PDE5A: variants seen among roughly 807,000 people sequenced by gnomAD.
PDE5A encodes the protein phosphodiesterase 5A.
In PDE5A, 67 loss-of-function variants were observed where a neutral mutation model predicts 110.2. That is an observed-to-expected ratio of 0.61 (90% confidence interval 0.50 to 0.75). The LOEUF is 0.75. Ranked by LOEUF, PDE5A falls within the 30% of genes least tolerant of loss-of-function variation. The pLI, the probability that PDE5A is intolerant of heterozygous loss-of-function variation, is 0.00. For missense variants in PDE5A, 862 were observed against 1,045.1 expected, an observed-to-expected ratio of 0.82 and a Z score of 2.42; for synonymous variants, 328 against 351.2, an observed-to-expected ratio of 0.93 and a Z score of 0.74.
intron 14 of PDE5A, among the ~76,000 whole-genome samples, chr4:119,514,998 A>G (rs1725862106): frequency 6.6e-6 from 1 of 152,210 alleles, no homozygotes; most frequent in South Asian, 2.1e-4. Context: ...CTTAACTACC[A>G]TAACCATCAC....
intron 20 of PDE5A, 107 bp downstream of exon 20, chr4:119,501,056 TTTATTTC>T: frequency 1.6e-6 from 1 of 640,454 alleles, no homozygotes; most frequent in East Asian, 2.7e-5. Flanking sequence ...TGCTAATAAT[TTTATTTC>T]TTGATTTAGA....
intron 11 of PDE5A, among the ~76,000 whole-genome samples, chr4:119,530,505 A>G (rs1726491453): frequency 6.6e-6 from 1 of 152,126 alleles, no homozygotes; most frequent in South Asian, 2.1e-4. Flanking sequence ...AGATCTGGAT[A>G]ATGACATGTA....
chr4:119,600,855 C>G (rs1729320064), intron 2 of PDE5A, among the ~76,000 whole-genome samples: 2 of 152,118 alleles, frequency 1.3e-5, no homozygotes, highest in African/African-American at 4.8e-5. Flanking sequence ...TTTACACAGT[C>G]TCAAAGTATC....
intron 1 of PDE5A, among the ~76,000 whole-genome samples, chr4:119,621,744 G>C (rs915269328): frequency 6.6e-5 from 10 of 152,140 alleles, no homozygotes; most frequent in African/African-American, 2.4e-4. Context: ...AATCCCGCAA[G>C]CAATTAAAAT....
chr4:119,542,849 C>T (rs906153508), intron 9 of PDE5A, among the ~76,000 whole-genome samples: 3 of 151,956 alleles, frequency 2.0e-5, no homozygotes, highest in Non-Finnish European at 4.4e-5. Flanking sequence ...ACATTGCTGG[C>T]GTTCAAAAAA....
At chr4:119,605,980 C>A (rs73842675) in intron 2 of PDE5A, among the ~76,000 whole-genome samples, 1 of 152,098 alleles carries the variant, frequency 6.6e-6, no homozygotes, top group Admixed American at 6.6e-5. Context: ...ATATAAAGTG[C>A]CATTCAGTTA....
intron 2 of PDE5A, among the ~76,000 whole-genome samples, chr4:119,602,429 CA>C: frequency 6.6e-6 from 1 of 152,156 alleles, no homozygotes; most frequent in African/African-American, 2.4e-5. Flanking sequence ...ATAAAAATAA[CA>C]GAAAATTTTA....
At chr4:119,528,782 G>A (rs1427975176) in intron 11 of PDE5A, 1 of 152,140 alleles carries the variant, frequency 6.6e-6, no homozygotes, top group African/African-American at 2.4e-5. Context: ...GGAACCAAAT[G>A]CCTTACTGTA....
intron 3 of PDE5A, among the ~76,000 whole-genome samples, chr4:119,588,262 T>C (rs933332449): frequency 2.6e-5 from 4 of 151,228 alleles, no homozygotes. Context: ...GAAGCCTCTG[T>C]CTCCCAGCCA....
In PDE5A at chr4:119,498,602, C is replaced by T. The variant is rs924635672; in HGVS notation, c.2627G>A (p.Ter876=). 1.2e-6 allele frequency: 2 copies of T among 1,613,956 alleles called. No homozygotes were observed. Among genetic ancestry groups the T allele is most frequent in the African/African-American group, 2.7e-5 (2 of 75,040 alleles). Residue 876 remains the stop codon, a stop_retained_variant, in exon 21 of 21, where the codon TGA becomes TAA. Coordinates refer to ENST00000354960, the MANE Select transcript of PDE5A (RefSeq NM_001083.4). ...NGESGQAKRN[*] The stretch of plus-strand genomic sequence containing the variant: ...TCAACTCTGCATGAAATAGGCCACT[C>T]AGTTCCGCTTGGCCTGGCCGCTTTC...
chr4:119,609,070 G>A (rs189767137), intron 1 of PDE5A, among the ~76,000 whole-genome samples: 2 of 152,170 alleles, frequency 1.3e-5, no homozygotes, highest in Admixed American at 1.3e-4. Flanking sequence ...GCTGAGGCAG[G>A]AGAATGGCCT....
intron 1 of PDE5A, among the ~76,000 whole-genome samples, chr4:119,625,536 T>A (rs1375965113): frequency 6.6e-6 from 1 of 152,202 alleles, no homozygotes; most frequent in East Asian, 1.9e-4. Context: ...GAAATTGTTT[T>A]TATCAGCAAG....
chr4:119,498,847 C>G, intron 20 of PDE5A, 109 bp from the exon 21 acceptor site: 1 of 1,161,640 alleles, frequency 8.6e-7, no homozygotes, highest in Non-Finnish European at 1.2e-6. Context: ...TAAGCAGACT[C>G]ACTGTTGAAA....
In PDE5A at chr4:119,501,169, C is replaced by T; in HGVS notation, c.2490+1G>A. The T allele has an allele frequency of 1.3e-6, 2 of 1,586,768 alleles. No homozygotes were observed. The highest frequency in any genetic ancestry group is 1.7e-6 in the Non-Finnish European group (2 of 1,155,776). ...AAGTCTAGTAGTTTTCATATAAATA[C>T]CTCATACAGTTGCAAGCAGATGGCA... On this transcript the variant is annotated splice_donor_variant, in intron 20 of 20. Coordinates refer to ENST00000354960, the MANE Select transcript of PDE5A (RefSeq NM_001083.4). LOFTEE classifies it high-confidence loss of function.
At chr4:119,582,608 CTATT>C (rs1409203411) in intron 3 of PDE5A, among the ~76,000 whole-genome samples, 1 of 152,196 alleles carries the variant, frequency 6.6e-6, no homozygotes, top group East Asian at 1.9e-4. Flanking sequence ...AGAGGAATCT[CTATT>C]TATGTCAGCT....
In PDE5A at chr4:119,494,796, T is replaced by C. The variant is rs1725001035; in HGVS notation, c.*3805A>G. 6.6e-6 allele frequency: 1 copy of C among 152,580 alleles called. No individual in the cohort carries two copies. Among genetic ancestry groups the C allele is most frequent in the African/African-American group, 2.4e-5 (1 of 41,452 alleles). The allele number at this position is 152,580 out of a possible 1,614,324, so 9.5% of individuals were successfully genotyped here. Reference sequence around the variant, plus strand: ...GTTTTCTTAAACTGTAATATAAATTTATATTTTCAACTATTTACATTGCTT... The same window carrying C: ...GTTTTCTTAAACTGTAATATAAATTCATATTTTCAACTATTTACATTGCTT... On this transcript the variant is annotated 3_prime_UTR_variant, in exon 21 of 21. Coordinates refer to ENST00000354960, the MANE Select transcript of PDE5A (RefSeq NM_001083.4).
chr4:119,568,142 C>CTTTT (rs143090270), intron 3 of PDE5A, among the ~76,000 whole-genome samples: 70 of 147,588 alleles, frequency 4.7e-4, no homozygotes, highest in African/African-American at 1.7e-3. Flanking sequence ...CTCTCTCTCT[C>CTTTT]TTTTTTTTTT....
chr4:119,539,062 TACC>T (rs779151441), intron 10 of PDE5A, 43 bp from the exon 11 acceptor site: 29 of 1,411,632 alleles, frequency 2.1e-5, no homozygotes, highest in Non-Finnish European at 2.9e-5. Flanking sequence ...AGGAGAGAAC[TACC>T]ACATGTAGAC....
At chr4:119,498,849 CTG>C (rs1725187688) in intron 20 of PDE5A, 111 bp from the exon 21 acceptor site, 4 of 1,138,982 alleles carry the variant, frequency 3.5e-6, no homozygotes, top group African/African-American at 3.1e-5. Flanking sequence ...AGCAGACTCA[CTG>C]TTGAAATTTT....
Sources: allele counts gnomAD v4.1 joint callset (sites outside exome capture counted in the v4.1 genomes callset), GRCh38; gene constraint gnomAD v4.1.1; transcripts MANE v1.5; gene names NCBI Gene and HGNC (gene_info 2026-07-23, HGNC 2026-07-21).